Variants in MAGI2 observed in about 807,000 individuals in gnomAD.
MAGI2 encodes the protein membrane-associated guanylate kinase, WW and PDZ domain-containing protein 2.
In MAGI2, 35 loss-of-function variants were observed where a neutral mutation model predicts 133.3. That is an observed-to-expected ratio of 0.26 (90% CI 0.20 to 0.35). The LOEUF is 0.35. Ranked by LOEUF, MAGI2 falls within the 10% of genes least tolerant of loss-of-function variation. The probability of loss-of-function intolerance (pLI) is 1.00; values close to 1 mark genes in which losing one functional copy is unlikely to be tolerated. For synonymous variants in MAGI2, 729 were observed against 710.6 expected, an observed-to-expected ratio of 1.03 and a Z score of -0.41; for missense variants, 1,636 against 1,863.4, an observed-to-expected ratio of 0.88 and a Z score of 2.25.
intron 2 of MAGI2, among the ~76,000 whole-genome samples, chr7:78,710,121 G>A (rs1819033440): frequency 6.6e-6 from 1 of 152,084 alleles, no homozygotes; most frequent in Non-Finnish European, 1.5e-5. Context: ...GGTTATTTCT[G>A]TTAATAAGTA....
Position 78,920,556 on chromosome 7 carries a change from A to G in MAGI2, c.418+86534T>C, listed in dbSNP as rs545469126. Among the ~76,000 whole-genome samples, 3 of 152,230 alleles carry G rather than the reference A, an allele frequency of 2.0e-5. No individual in the cohort carries two copies. In the South Asian group the frequency reaches 6.2e-4, roughly 32 times the overall value. On this transcript the variant is annotated intron_variant, in intron 2 of 21. Coordinates refer to ENST00000354212, the MANE Select transcript of MAGI2 (RefSeq NM_012301.4). Reference sequence around the variant, plus strand: ...ATTTGTTGTTTTCTAATAAAAACTTAATGAATTAACTGAAATTTTAGTATG... The same window carrying G: ...ATTTGTTGTTTTCTAATAAAAACTTGATGAATTAACTGAAATTTTAGTATG...
At chr7:79,387,701 C>T (rs1274960696) in intron 1 of MAGI2, among the ~76,000 whole-genome samples, 1 of 151,902 alleles carries the variant, frequency 6.6e-6, no homozygotes, top group Non-Finnish European at 1.5e-5. Context: ...TTAGTACTCA[C>T]CTATATAAGC....
intron 20 of MAGI2, among the ~76,000 whole-genome samples, chr7:78,107,829 T>A (rs1818848555): frequency 7.6e-6 from 1 of 131,294 alleles, no homozygotes. Context: ...TTCCGTGGTA[T>A]CAGTAGTCAT....
intron 1 of MAGI2, among the ~76,000 whole-genome samples, chr7:79,015,462 C>T (rs1388729190): frequency 6.6e-6 from 1 of 152,008 alleles, no homozygotes; most frequent in Non-Finnish European, 1.5e-5. Context: ...CCCAAATCAA[C>T]AAAAAAGAAA....
intron 6 of MAGI2, among the ~76,000 whole-genome samples, chr7:78,396,921 T>G (rs187619452): frequency 6.6e-6 from 1 of 152,246 alleles, no homozygotes; most frequent in African/African-American, 2.4e-5. Context: ...CCTAAATAAA[T>G]CATGCATATT....
At chr7:78,826,723 T>G (rs1053515364) in intron 2 of MAGI2, among the ~76,000 whole-genome samples, 1 of 152,156 alleles carries the variant, frequency 6.6e-6, no homozygotes, top group East Asian at 1.9e-4. Flanking sequence ...AACATTTAAC[T>G]GCATTACAAA....
At chr7:79,020,415 C>T (rs993192418) in intron 1 of MAGI2, among the ~76,000 whole-genome samples, 7 of 152,090 alleles carry the variant, frequency 4.6e-5, no homozygotes, top group African/African-American at 1.7e-4. Context: ...CAAAGTGATA[C>T]AATAGAAACA....
intron 6 of MAGI2, among the ~76,000 whole-genome samples, chr7:78,469,825 T>A (rs1286948264): frequency 2.6e-5 from 4 of 152,162 alleles, no homozygotes; most frequent in Non-Finnish European, 4.4e-5. Context: ...TCCCCTCATC[T>A]TTCCTGTAAT....
At chr7:78,886,672 G>T (rs1796296046) in intron 2 of MAGI2, among the ~76,000 whole-genome samples, 2 of 152,138 alleles carry the variant, frequency 1.3e-5, no homozygotes, top group Non-Finnish European at 2.9e-5. Flanking sequence ...CTTTCTGTGT[G>T]ACTTTTATAA....
intron 9 of MAGI2, among the ~76,000 whole-genome samples, chr7:78,269,293 A>G (rs1367480618): frequency 2.6e-5 from 4 of 152,218 alleles, no homozygotes; most frequent in Admixed American, 2.6e-4. Context: ...TCCTTTGGAT[A>G]TACAACCAGT....
At chr7:78,967,873 C>T (rs867667400) in intron 2 of MAGI2, among the ~76,000 whole-genome samples, 2 of 152,094 alleles carry the variant, frequency 1.3e-5, no homozygotes, top group African/African-American at 4.8e-5. Context: ...CTCTGTCACC[C>T]AGGCTGGAAT....
intron 9 of MAGI2, among the ~76,000 whole-genome samples, chr7:78,274,604 G>A (rs11981018): frequency 2.1e-5 from 3 of 145,782 alleles, no homozygotes; most frequent in Non-Finnish European, 4.6e-5. Flanking sequence ...TCCCTGACTG[G>A]GGTGCTGCCT....
At chr7:79,227,791 T>C (rs1448309195) in intron 1 of MAGI2, among the ~76,000 whole-genome samples, 3 of 152,214 alleles carry the variant, frequency 2.0e-5, no homozygotes, top group African/African-American at 7.2e-5. Context: ...CTGGTTTCTT[T>C]TGTTTGATTG....
At chr7:78,333,107 T>C (rs773772071) in intron 9 of MAGI2, among the ~76,000 whole-genome samples, 3 of 152,256 alleles carry the variant, frequency 2.0e-5, no homozygotes, top group Non-Finnish European at 4.4e-5. Flanking sequence ...AACCTTTTTT[T>C]AAAAATTGAA....
chr7:78,773,527 G>A (rs548722678), intron 2 of MAGI2, among the ~76,000 whole-genome samples: 1 of 152,266 alleles, frequency 6.6e-6, no homozygotes, highest in South Asian at 2.1e-4. Flanking sequence ...TAAGCACTGA[G>A]GGGTACAAGA....
At chr7:78,630,622 G>A (rs1808880089) in intron 2 of MAGI2, among the ~76,000 whole-genome samples, 1 of 151,710 alleles carries the variant, frequency 6.6e-6, no homozygotes. Flanking sequence ...TCACTGTGTT[G>A]GCCAGGCTGG....
chr7:78,819,187 G>A (rs1223726811), intron 2 of MAGI2, among the ~76,000 whole-genome samples: 2 of 152,020 alleles, frequency 1.3e-5, no homozygotes, highest in African/African-American at 4.8e-5. Flanking sequence ...TGCATTTATT[G>A]TAGGATTATA....
chr7:78,810,321 A>C (rs1024051700), intron 2 of MAGI2, among the ~76,000 whole-genome samples: 2 of 152,148 alleles, frequency 1.3e-5, no homozygotes, highest in African/African-American at 4.8e-5. Context: ...TGGAGAAGAA[A>C]CACCACCAAA....
At chr7:78,247,262 A>G (rs976758404) in intron 10 of MAGI2, among the ~76,000 whole-genome samples, 1 of 152,126 alleles carries the variant, frequency 6.6e-6, no homozygotes, top group African/African-American at 2.4e-5. Flanking sequence ...AAACTCCTAT[A>G]GCCTAGGCTG....
Sources: allele counts gnomAD v4.1 joint callset (sites outside exome capture counted in the v4.1 genomes callset), GRCh38; gene constraint gnomAD v4.1.1; transcripts MANE v1.5; gene names NCBI Gene and HGNC (gene_info 2026-07-23, HGNC 2026-07-21).